The following ATP8A2 variants were observed in gnomAD, a reference collection of about 807,000 sequenced individuals.
ATP8A2 encodes the protein ATPase phospholipid transporting 8A2.
In ATP8A2, 100 loss-of-function variants were observed where a neutral mutation model predicts 165.6. The ratio of observed to expected loss-of-function variants is 0.60; its 90% CI spans 0.51 to 0.71. The LOEUF (loss-of-function observed/expected upper bound fraction) is 0.71, where lower values mean the gene tolerates loss of function less well. ATP8A2 is among the 30% of genes least tolerant of loss of function. The pLI, the probability that ATP8A2 is intolerant of heterozygous loss-of-function variation, is 0.00. For missense variants in ATP8A2, 1,227 were observed against 1,479.5 expected, an observed-to-expected ratio of 0.83 and a Z score of 2.80; for synonymous variants, 543 against 548.8, an observed-to-expected ratio of 0.99 and a Z score of 0.15.
intron 1 of ATP8A2, among the ~76,000 whole-genome samples, chr13:25,403,713 A>G (rs1362300525): frequency 6.6e-6 from 1 of 152,142 alleles, no homozygotes; most frequent in Non-Finnish European, 1.5e-5. Flanking sequence ...TTTTTCTAAC[A>G]TATATTTATT....
intron 1 of ATP8A2, among the ~76,000 whole-genome samples, chr13:25,452,522 A>T (rs879052393): frequency 1.3e-5 from 2 of 152,196 alleles, no homozygotes; most frequent in Admixed American, 6.5e-5. Context: ...TTAAAGATTG[A>T]TACCCCGTTT....
chr13:25,771,363 C>A (rs573845440), intron 26 of ATP8A2, among the ~76,000 whole-genome samples: 2 of 152,314 alleles, frequency 1.3e-5, no homozygotes, highest in East Asian at 3.9e-4. Flanking sequence ...TTCCTGTAGT[C>A]TGTCAGCAAC....
At chr13:25,844,293 C>T (rs561492353) in intron 30 of ATP8A2, among the ~76,000 whole-genome samples, 24 of 151,986 alleles carry the variant, frequency 1.6e-4, no homozygotes, top group Non-Finnish European at 1.3e-4. Context: ...TGCAGGAGCA[C>T]GATCTCGGCT....
intron 33 of ATP8A2, among the ~76,000 whole-genome samples, chr13:25,925,703 A>G (rs569689006): frequency 6.7e-6 from 1 of 150,318 alleles, no homozygotes; most frequent in Admixed American, 6.8e-5. Flanking sequence ...ACAGAACAAA[A>G]AAATTAACTT....
chr13:25,704,250 G>T (rs1225314161), intron 25 of ATP8A2, among the ~76,000 whole-genome samples: 1 of 151,974 alleles, frequency 6.6e-6, no homozygotes, highest in African/African-American at 2.4e-5. Context: ...CAGCAGTCAG[G>T]GTTGAGAAGA....
In ATP8A2 at chr13:25,939,721, G is replaced by T. The variant is rs73472985; in HGVS notation, c.3184-21854G>T. On this transcript the variant is annotated intron_variant, in intron 33 of 36. Coordinates refer to ENST00000381655, the MANE Select transcript of ATP8A2 (RefSeq NM_016529.6). ...AATCTGTGTCATCCTCAAGATCTTA[G>T]CATCCGATTCCCCGACTCACAGCCA... Among the ~76,000 whole-genome samples, 172 of 152,276 alleles carry T rather than the reference G, an allele frequency of 1.1e-3. 1 individual carries two copies. The highest frequency in any genetic ancestry group is 3.9e-3 in the African/African-American group (163 of 41,552).
chr13:25,742,931 A>C (rs924015005), intron 25 of ATP8A2, among the ~76,000 whole-genome samples: 1 of 151,980 alleles, frequency 6.6e-6, no homozygotes, highest in African/African-American at 2.4e-5. Flanking sequence ...CCAGCTTCCA[A>C]TTTGGAAGGG....
At chr13:25,789,947 T>A (rs2138397839) in intron 27 of ATP8A2, among the ~76,000 whole-genome samples, 1 of 152,268 alleles carries the variant, frequency 6.6e-6, no homozygotes, top group South Asian at 2.1e-4. Context: ...CCATCTGATC[T>A]TCCACAAAGC....
At chr13:25,852,014 T>G (rs891539012) in intron 30 of ATP8A2, among the ~76,000 whole-genome samples, 3 of 152,082 alleles carry the variant, frequency 2.0e-5, no homozygotes, top group Non-Finnish European at 1.5e-5. Flanking sequence ...GGCTTCTTCA[T>G]ATTGGTTCTC....
chr13:25,710,457 T>C (rs2043137412), intron 25 of ATP8A2, among the ~76,000 whole-genome samples: 1 of 152,210 alleles, frequency 6.6e-6, no homozygotes, highest in African/African-American at 2.4e-5. Flanking sequence ...TACCCAGCAT[T>C]CTACTTAGGA....
intron 2 of ATP8A2, among the ~76,000 whole-genome samples, chr13:25,518,980 G>A (rs766450469): frequency 2.2e-4 from 33 of 152,314 alleles, no homozygotes; most frequent in African/African-American, 2.4e-4. Context: ...AAAAAGGCCA[G>A]TGTGTCAACA....
rs957800429 is a variant in ATP8A2, at chr13:25,671,465, A to C, written c.2212-27708A>C. Among the ~76,000 whole-genome samples, 35 of 152,212 alleles carry C rather than the reference A, an allele frequency of 2.3e-4. 1 individual carries two copies. Among genetic ancestry groups the C allele is most frequent in the African/African-American group, 8.2e-4 (34 of 41,462 alleles). ...GCCATATTTCTCTTCTTTCAAAAGCAAATGGGAGAAATATCGCTGAATTCT... is the reference window on the plus strand; with the variant it reads ...GCCATATTTCTCTTCTTTCAAAAGCCAATGGGAGAAATATCGCTGAATTCT... On this transcript the variant is annotated intron_variant, in intron 24 of 36. Coordinates refer to ENST00000381655, the MANE Select transcript of ATP8A2 (RefSeq NM_016529.6).
chr13:25,520,853 G>A (rs8001364), intron 2 of ATP8A2, among the ~76,000 whole-genome samples: 42,171 of 151,824 alleles, frequency 0.28, 6,735 homozygotes, highest in African/African-American at 0.43. Context: ...TGACCTCGTG[G>A]TCTGCCCGCC....
chr13:25,685,530 G>C (rs2042583416), intron 24 of ATP8A2, among the ~76,000 whole-genome samples: 1 of 152,166 alleles, frequency 6.6e-6, no homozygotes. Context: ...GGGAAATAAA[G>C]GAGGAAAGGG....
intron 24 of ATP8A2, among the ~76,000 whole-genome samples, chr13:25,630,015 C>A (rs2041199077): frequency 6.6e-6 from 1 of 152,050 alleles, no homozygotes. Context: ...TCAAAGGAAG[C>A]AATTCTTATT....
At chr13:26,007,613 C>A (rs974198427) in intron 35 of ATP8A2, among the ~76,000 whole-genome samples, 4 of 152,160 alleles carry the variant, frequency 2.6e-5, no homozygotes, top group Admixed American at 6.5e-5. Context: ...AGAAAAGATC[C>A]TTCCAAACAC....
intron 2 of ATP8A2, among the ~76,000 whole-genome samples, chr13:25,507,609 A>G (rs113753806): frequency 0.014 from 2,072 of 152,252 alleles, 52 homozygotes; most frequent in African/African-American, 0.047. Context: ...GTCAGGATGA[A>G]GACAGAACTG....
Position 25,422,411 on chromosome 13 carries a change from T to G in ATP8A2, c.77-46566T>G, listed in dbSNP as rs568176554. Among the ~76,000 whole-genome samples the G allele has an allele frequency of 2.7e-4, 41 of 152,322 alleles. 4 individuals carry two copies. In the South Asian group the frequency reaches 6.0e-3, roughly 22 times the overall value. The stretch of plus-strand genomic sequence containing the variant: ...GCTCCACTGGCTCTATTTAGAGATT[T>G]TTAAAAGGTCCCCATTAGACCAATG... On this transcript the variant is annotated intron_variant, in intron 1 of 36. Coordinates refer to ENST00000381655, the MANE Select transcript of ATP8A2 (RefSeq NM_016529.6).
At chr13:25,402,510 A>T (rs2033669491) in intron 1 of ATP8A2, among the ~76,000 whole-genome samples, 1 of 152,204 alleles carries the variant, frequency 6.6e-6, no homozygotes, top group Admixed American at 6.5e-5. Context: ...GTGCCCTGGC[A>T]CTGGCTCCTG....
Sources: allele counts gnomAD v4.1 joint callset (sites outside exome capture counted in the v4.1 genomes callset), GRCh38; gene constraint gnomAD v4.1.1; transcripts MANE v1.5; gene names NCBI Gene and HGNC (gene_info 2026-07-23, HGNC 2026-07-21).